DAB1: variants seen among roughly 807,000 people sequenced by gnomAD.
DAB1 encodes DAB adaptor protein 1, also known as disabled homolog 1.
In DAB1, 15 loss-of-function variants were observed where a neutral mutation model predicts 64.6. The ratio of observed to expected loss-of-function variants is 0.23; its 90% CI spans 0.16 to 0.36. The LOEUF (loss-of-function observed/expected upper bound fraction) is 0.36. DAB1 is among the 10% of genes least tolerant of loss of function. The pLI is 1.00. For synonymous variants in DAB1, 235 were observed against 251.9 expected (o/e 0.93, Z 0.64); for missense variants, 596 against 706.7 (o/e 0.84, Z 1.78).
chr1:57,426,874 A>ATATATATATTTTT (rs57970737), upstream of DAB1, among the ~76,000 whole-genome samples: 23 of 149,182 alleles, frequency 1.5e-4, no homozygotes, highest in African/African-American at 5.7e-4. Context: ...ATATATATAT[A>ATATATATATTTTT]TTTTTTTGAG....
intron 2 of DAB1, among the ~76,000 whole-genome samples, chr1:57,232,368 C>T (rs1402453743): frequency 1.5e-5 from 2 of 135,950 alleles, no homozygotes; most frequent in African/African-American, 5.5e-5. Context: ...TCTGTATTAG[C>T]TTCATAGATA....
At chr1:57,688,679 C>T (rs10789054) in intron 6 of DAB1, among the ~76,000 whole-genome samples, 74,697 of 151,962 alleles carry the variant, frequency 0.49, 18,597 homozygotes, top group East Asian at 0.7. Flanking sequence ...TGCCCATCAA[C>T]GGTGGATTAT....
At chr1:58,540,265 C>A (rs1249646059) in intron 1 of DAB1, among the ~76,000 whole-genome samples, 1 of 146,786 alleles carries the variant, frequency 6.8e-6, no homozygotes, top group Non-Finnish European at 1.5e-5. Context: ...TGCTTCCAAG[C>A]AACAACTGCA....
intron 7 of DAB1, among the ~76,000 whole-genome samples, chr1:57,486,019 G>T (rs566590693): frequency 6.6e-6 from 1 of 152,202 alleles, no homozygotes; most frequent in Non-Finnish European, 1.5e-5. Flanking sequence ...TTCCAGGAAG[G>T]CTTCCCTAAT....
chr1:58,527,374 T>G, intron 1 of DAB1: 1 of 855,618 alleles, frequency 1.2e-6, no homozygotes, highest in South Asian at 1.3e-5. Context: ...TAAGACAATT[T>G]ATTTCACGAA....
chr1:58,328,955 G>A (rs1229533300), intron 4 of DAB1, among the ~76,000 whole-genome samples: 1 of 152,012 alleles, frequency 6.6e-6, no homozygotes, highest in African/African-American at 2.4e-5. Context: ...CCCTACCCAG[G>A]CAGAAATAAC....
chr1:58,214,939 G>GT (rs1214666042), intron 4 of DAB1, among the ~76,000 whole-genome samples: 9 of 152,110 alleles, frequency 5.9e-5, no homozygotes, highest in Non-Finnish European at 1.3e-4. Flanking sequence ...CAGAGATGGG[G>GT]TTTTCCTTCC....
intron 4 of DAB1, among the ~76,000 whole-genome samples, chr1:57,087,376 C>T (rs17114970): frequency 0.017 from 2,584 of 152,284 alleles, 85 homozygotes; most frequent in African/African-American, 0.059. Context: ...GAAGAGAAAA[C>T]GTTCGGGCTA....
chr1:57,926,119 A>C (rs1644876128), intron 5 of DAB1, among the ~76,000 whole-genome samples: 1 of 152,200 alleles, frequency 6.6e-6, no homozygotes, highest in African/African-American at 2.4e-5. Flanking sequence ...CACTGAGACT[A>C]TATGATTGAC....
intron 5 of DAB1, among the ~76,000 whole-genome samples, chr1:58,040,323 G>C (rs1647115805): frequency 6.6e-6 from 1 of 152,138 alleles, no homozygotes; most frequent in Non-Finnish European, 1.5e-5. Flanking sequence ...AGAGTGGAAG[G>C]ATGTTGTGTT....
At chr1:57,909,340 T>A (rs1267566782) in intron 5 of DAB1, among the ~76,000 whole-genome samples, 2 of 152,202 alleles carry the variant, frequency 1.3e-5, no homozygotes, top group Non-Finnish European at 2.9e-5. Flanking sequence ...AGTTATATCA[T>A]CCTTTATGGT....
intron 9 of DAB1, among the ~76,000 whole-genome samples, chr1:57,037,953 T>C (rs564346164): frequency 9.8e-4 from 150 of 152,360 alleles, no homozygotes; most frequent in African/African-American, 2.5e-3. Context: ...AGTCAGTAGA[T>C]ACATGCACAC....
intron 6 of DAB1, among the ~76,000 whole-genome samples, chr1:57,693,771 A>G (rs763103885): frequency 2.6e-5 from 4 of 152,180 alleles, no homozygotes; most frequent in East Asian, 1.9e-4. Flanking sequence ...GAAACTCTGG[A>G]TGTGTCTGAA....
intron 1 of DAB1, among the ~76,000 whole-genome samples, chr1:57,342,769 C>T (rs891724617): frequency 1.3e-5 from 2 of 150,024 alleles, no homozygotes; most frequent in East Asian, 1.9e-4. Flanking sequence ...AGTGAAGCTG[C>T]GGACCTTCGC....
At chr1:58,417,241 T>C (rs894768885) in intron 3 of DAB1, among the ~76,000 whole-genome samples, 1 of 152,162 alleles carries the variant, frequency 6.6e-6, no homozygotes, top group African/African-American at 2.4e-5. Context: ...GTGGTTATCT[T>C]AACCAAGTGA....
intron 6 of DAB1, among the ~76,000 whole-genome samples, chr1:57,743,716 G>A (rs1648121512): frequency 6.6e-6 from 1 of 152,162 alleles, no homozygotes; most frequent in South Asian, 2.1e-4. Flanking sequence ...ACCCAGCGGC[G>A]CTAGAGGAAT....
At chr1:57,530,039 T>C (rs1644642995) in intron 7 of DAB1, among the ~76,000 whole-genome samples, 1 of 152,126 alleles carries the variant, frequency 6.6e-6, no homozygotes, top group Non-Finnish European at 1.5e-5. Flanking sequence ...CAGCCCCTTA[T>C]GATTAAAGCA....
chr1:57,107,534 C>T (rs1655282070), intron 4 of DAB1, among the ~76,000 whole-genome samples: 1 of 151,942 alleles, frequency 6.6e-6, no homozygotes, highest in Admixed American at 6.6e-5. Context: ...CAGGGATACC[C>T]CCACCCAGAA....
In DAB1 at chr1:57,115,707, T is replaced by C. The variant is rs112084418; in HGVS notation, c.306+20836A>G. 7.4e-3 allele frequency among the ~76,000 whole-genome samples: 1,134 copies of C among 152,284 alleles called. 11 individuals carry two copies. The highest frequency in any genetic ancestry group is 0.026 in the African/African-American group (1,068 of 41,552). On this transcript the variant is annotated intron_variant, in intron 4 of 14. Transcript: ENST00000371236. ...AGGAGGGCTTTCAGTTGGGAAAGGC[T>C]CAGGAAGAAGGCAACATGAGCTGGG...
Sources: allele counts gnomAD v4.1 joint callset (sites outside exome capture counted in the v4.1 genomes callset), GRCh38; gene constraint gnomAD v4.1.1; transcripts MANE v1.5; gene names NCBI Gene and HGNC (gene_info 2026-07-23, HGNC 2026-07-21).